IMPG1: variants seen among roughly 807,000 people sequenced by gnomAD.
The protein encoded by IMPG1 is interphotoreceptor matrix proteoglycan 1, also known as interphotoreceptor matrix proteoglycan of 150 kDa.
In IMPG1, 85 loss-of-function variants were observed where a neutral mutation model predicts 92.0. That is an observed-to-expected ratio of 0.92 (90% CI 0.78 to 1.11). The LOEUF (loss-of-function observed/expected upper bound fraction) is 1.11. Ranked by LOEUF, IMPG1 falls within the 50% of genes least tolerant of loss-of-function variation. The pLI is 0.00. For missense variants in IMPG1, 1,022 were observed against 956.0 expected (o/e 1.07, Z -0.91); for synonymous variants, 367 against 334.1 (o/e 1.10, Z -1.08).
Position 76,021,950 on chromosome 6 carries a change from A to G in IMPG1, c.666+166T>C, listed in dbSNP as rs1034104876. 1.5e-4 allele frequency among the ~76,000 whole-genome samples: 22 copies of G among 151,592 alleles called. 1 individual carries two copies. Among genetic ancestry groups the G allele is most frequent in the African/African-American group, 3.9e-4 (16 of 41,266 alleles). On this transcript the variant is annotated intron_variant, in intron 6 of 16. Transcript: ENST00000369950. Reference sequence around the variant, plus strand: ...ATGCTTCCCCCCTCAGTACCTAGGAAGAAGTGAGAATAAAGAATAGAACAA... The same window carrying G: ...ATGCTTCCCCCCTCAGTACCTAGGAGGAAGTGAGAATAAAGAATAGAACAA...
intron 14 of IMPG1, among the ~76,000 whole-genome samples, chr6:75,942,691 A>G (rs2149454434): frequency 6.6e-6 from 1 of 152,344 alleles, no homozygotes; most frequent in South Asian, 2.1e-4. Flanking sequence ...ACACGCAAAT[A>G]TCCCACCAAA....
At chr6:76,010,720 T>C (rs1435445971) in intron 8 of IMPG1, among the ~76,000 whole-genome samples, 1 of 152,230 alleles carries the variant, frequency 6.6e-6, no homozygotes, top group Non-Finnish European at 1.5e-5. Flanking sequence ...GACTTTTTAT[T>C]GTTCACTTGT....
At chr6:75,999,584 T>C (rs1232796453) in intron 12 of IMPG1, among the ~76,000 whole-genome samples, 1 of 152,198 alleles carries the variant, frequency 6.6e-6, no homozygotes, top group Non-Finnish European at 1.5e-5. Flanking sequence ...TTGTTTTCTG[T>C]TTTCCGTTTT....
At position 76,063,440 on chromosome 6, in the gene IMPG1, G is replaced by A. The variant is rs1353210914; in HGVS notation, c.67+8982C>T. Among the ~76,000 whole-genome samples the A allele has an allele frequency of 4.6e-5, 7 of 152,184 alleles. No individual in the cohort carries two copies. In the South Asian group the frequency reaches 1.0e-3, roughly 23 times the overall value. ...TTGGTATTTCATGAAAAGGATTAGC[G>A]GGAGTGTTTTTGTTTCTCCTTGCCC... On this transcript the variant is annotated intron_variant, in intron 1 of 16. Coordinates refer to ENST00000369950, the MANE Select transcript of IMPG1 (RefSeq NM_001563.4).
At chr6:75,952,115 T>C (rs1002799356) in intron 12 of IMPG1, among the ~76,000 whole-genome samples, 1 of 152,166 alleles carries the variant, frequency 6.6e-6, no homozygotes, top group Non-Finnish European at 1.5e-5. Flanking sequence ...ATTTCTAAAC[T>C]GAGAAAGTGG....
At chr6:76,065,149 G>A (rs906010973) in intron 1 of IMPG1, among the ~76,000 whole-genome samples, 13 of 152,106 alleles carry the variant, frequency 8.5e-5, no homozygotes, top group African/African-American at 3.1e-4. Flanking sequence ...ATGCAGATAA[G>A]AAGAAACTCT....
chr6:76,068,000 A>G (rs1784341193), intron 1 of IMPG1, among the ~76,000 whole-genome samples: 1 of 152,186 alleles, frequency 6.6e-6, no homozygotes, highest in South Asian at 2.1e-4. Flanking sequence ...CTTCACAATA[A>G]AAGCCATCAA....
chr6:75,922,198 A>G, intron 16 of IMPG1, 32 bp from the exon 17 acceptor site: 1 of 920,134 alleles, frequency 1.1e-6, no homozygotes, highest in Non-Finnish European at 1.7e-6. Context: ...GAACTTAAGA[A>G]ATGCCACCCA....
At chr6:76,029,015 T>C (rs574186732) in intron 4 of IMPG1, among the ~76,000 whole-genome samples, 3 of 152,376 alleles carry the variant, frequency 2.0e-5, no homozygotes, top group Admixed American at 2.0e-4. Context: ...AAATTGGGTA[T>C]TTTATCAAGG....
intron 12 of IMPG1, among the ~76,000 whole-genome samples, chr6:75,987,135 G>T (rs967483112): frequency 6.6e-6 from 1 of 151,978 alleles, no homozygotes; most frequent in Non-Finnish European, 1.5e-5. Flanking sequence ...CCTTGGCGAG[G>T]CCTAAATTCC....
intron 12 of IMPG1, among the ~76,000 whole-genome samples, chr6:75,955,143 T>C (rs1782096701): frequency 6.6e-6 from 1 of 152,236 alleles, no homozygotes; most frequent in Admixed American, 6.5e-5. Context: ...TTTCTAATTC[T>C]GTGAAGAAAG....
chr6:76,058,678 G>A (rs754748362), intron 1 of IMPG1, among the ~76,000 whole-genome samples: 23 of 152,120 alleles, frequency 1.5e-4, no homozygotes, highest in African/African-American at 2.7e-4. Flanking sequence ...CAGGCTCAAC[G>A]GTAGAGGGAA....
intron 12 of IMPG1, among the ~76,000 whole-genome samples, chr6:75,988,902 AC>A (rs1187233079): frequency 7.2e-5 from 11 of 152,026 alleles, no homozygotes; most frequent in African/African-American, 2.7e-4. Context: ...CTACTGGTCT[AC>A]CTCCAAGGTC....
At chr6:75,941,438 T>C (rs1267000824) in intron 14 of IMPG1, among the ~76,000 whole-genome samples, 1 of 152,260 alleles carries the variant, frequency 6.6e-6, no homozygotes, top group African/African-American at 2.4e-5. Flanking sequence ...TCTGACCAGC[T>C]GCCTGCTTTT....
chr6:76,035,117 C>T (rs750654741), intron 2 of IMPG1, among the ~76,000 whole-genome samples: 2 of 151,610 alleles, frequency 1.3e-5, no homozygotes, highest in Non-Finnish European at 2.9e-5. Flanking sequence ...GTAAAGTCTC[C>T]CAGTTTGTGG....
chr6:75,964,775 A>G (rs1782277892), intron 12 of IMPG1, among the ~76,000 whole-genome samples: 1 of 152,134 alleles, frequency 6.6e-6, no homozygotes, highest in Admixed American at 6.6e-5. Flanking sequence ...AAACTATAGC[A>G]TAATATCAAA....
intron 12 of IMPG1, among the ~76,000 whole-genome samples, chr6:75,954,420 A>C (rs117537481): frequency 0.036 from 5,519 of 152,196 alleles, 132 homozygotes; most frequent in East Asian, 0.11. Context: ...CCTTTTCAGA[A>C]GTGTCTGTTC....
chr6:76,045,304 A>T (rs1783918503), intron 1 of IMPG1, among the ~76,000 whole-genome samples: 1 of 152,060 alleles, frequency 6.6e-6, no homozygotes, highest in Non-Finnish European at 1.5e-5. Flanking sequence ...TGGGTTGAAA[A>T]TTACTTTCTG....
intron 13 of IMPG1, among the ~76,000 whole-genome samples, chr6:75,949,106 C>A (rs1196724752): frequency 2.0e-5 from 3 of 152,152 alleles, no homozygotes; most frequent in Non-Finnish European, 2.9e-5. Context: ...TTAGCATGAA[C>A]CCTAATTAAC....
Sources: allele counts gnomAD v4.1 joint callset (sites outside exome capture counted in the v4.1 genomes callset), GRCh38; gene constraint gnomAD v4.1.1; transcripts MANE v1.5; gene names NCBI Gene and HGNC (gene_info 2026-07-23, HGNC 2026-07-21).